PARD3: variants seen among roughly 807,000 people sequenced by gnomAD.
PARD3 encodes the protein par-3 family cell polarity regulator, also known as partitioning defective 3 homolog.
In PARD3, 75 loss-of-function variants were observed where a neutral mutation model predicts 155.4. The ratio of observed to expected loss-of-function variants is 0.48; its 90% CI spans 0.40 to 0.58. PARD3 has a LOEUF of 0.58. Among genes scored for constraint, PARD3 ranks in the 20% least tolerant of loss-of-function variants. The pLI is 0.00. For missense variants in PARD3, 1,642 were observed against 1,721.7 expected, an observed-to-expected ratio of 0.95 and a Z score of 0.82; for synonymous variants, 576 against 610.5, an observed-to-expected ratio of 0.94 and a Z score of 0.83.
At chr10:34,689,498 C>T (rs2094011068) in intron 2 of PARD3, among the ~76,000 whole-genome samples, 1 of 152,086 alleles carries the variant, frequency 6.6e-6, no homozygotes. Flanking sequence ...AAATAAAAAA[C>T]GGCTTTAAAA....
intron 20 of PARD3, among the ~76,000 whole-genome samples, chr10:34,302,959 C>T (rs1957221784): frequency 6.6e-6 from 1 of 152,078 alleles, no homozygotes; most frequent in Non-Finnish European, 1.5e-5. Flanking sequence ...ACACCTCTAA[C>T]ACTGCCAAGG....
chr10:34,142,128 G>A (rs1477525576), intron 22 of PARD3, among the ~76,000 whole-genome samples: 1 of 152,206 alleles, frequency 6.6e-6, no homozygotes, highest in African/African-American at 2.4e-5. Flanking sequence ...GGCAGGGGCT[G>A]AGGTCTGGGC....
At chr10:34,587,883 C>T (rs1177018177) in intron 2 of PARD3, among the ~76,000 whole-genome samples, 3 of 152,184 alleles carry the variant, frequency 2.0e-5, no homozygotes, top group Non-Finnish European at 2.9e-5. Context: ...TCAGGGCTGG[C>T]TCCGTGGGTG....
intron 22 of PARD3, among the ~76,000 whole-genome samples, chr10:34,235,218 T>C (rs997363586): frequency 2.0e-5 from 3 of 152,228 alleles, no homozygotes; most frequent in Non-Finnish European, 4.4e-5. Context: ...TATTATGTTA[T>C]AGAACTATAA....
At chr10:34,264,900 T>C (rs622894) in intron 22 of PARD3, among the ~76,000 whole-genome samples, 104,574 of 151,882 alleles carry the variant, frequency 0.69, 37,457 homozygotes, top group African/African-American at 0.9. Flanking sequence ...TAGATGCATG[T>C]CACCACGCCT....
At chr10:34,529,948 T>C (rs565753490) in intron 2 of PARD3, among the ~76,000 whole-genome samples, 4 of 152,276 alleles carry the variant, frequency 2.6e-5, no homozygotes, top group Non-Finnish European at 4.4e-5. Context: ...TTGACCAGGC[T>C]GGTCTCAAAC....
intron 2 of PARD3, among the ~76,000 whole-genome samples, chr10:34,573,246 C>A: frequency 6.6e-6 from 1 of 152,128 alleles, no homozygotes; most frequent in Non-Finnish European, 1.5e-5. Flanking sequence ...GTCCCAGCTA[C>A]TCAAGAGGCT....
At chr10:34,482,901 C>A (rs763756550) in intron 3 of PARD3, among the ~76,000 whole-genome samples, 1 of 151,852 alleles carries the variant, frequency 6.6e-6, no homozygotes, top group Non-Finnish European at 1.5e-5. Flanking sequence ...GTAATCCCAG[C>A]ACTTTGGGAG....
At chr10:34,189,583 T>G (rs535640491) in intron 22 of PARD3, among the ~76,000 whole-genome samples, 1 of 152,344 alleles carries the variant, frequency 6.6e-6, no homozygotes, top group Admixed American at 6.5e-5. Context: ...ATTAATTTGG[T>G]AAATCCTGAT....
intron 1 of PARD3, among the ~76,000 whole-genome samples, chr10:34,805,635 T>G (rs993001621): frequency 1.3e-5 from 2 of 151,280 alleles, no homozygotes; most frequent in African/African-American, 4.8e-5. Context: ...CTTAGTCACT[T>G]CTGAGCATGA....
intron 4 of PARD3, among the ~76,000 whole-genome samples, chr10:34,462,062 A>G (rs1456216673): frequency 2.0e-5 from 3 of 152,250 alleles, no homozygotes; most frequent in Admixed American, 6.5e-5. Context: ...AAGTTCGAAA[A>G]TGTGCTGCAT....
chr10:34,189,737 C>A (rs1950626308), intron 22 of PARD3, among the ~76,000 whole-genome samples: 1 of 152,172 alleles, frequency 6.6e-6, no homozygotes, highest in African/African-American at 2.4e-5. Context: ...TCACAGAACA[C>A]CACTTTTCCC....
chr10:34,784,105 G>C (rs917978562), intron 1 of PARD3, among the ~76,000 whole-genome samples: 1 of 152,084 alleles, frequency 6.6e-6, no homozygotes, highest in East Asian at 1.9e-4. Context: ...CGGCTACTTG[G>C]GAGGCTGAGG....
chr10:34,679,584 A>C (rs1009975871), intron 2 of PARD3, among the ~76,000 whole-genome samples: 2 of 152,194 alleles, frequency 1.3e-5, no homozygotes, highest in African/African-American at 4.8e-5. Context: ...CACATATTTT[A>C]CTCAGAGAAA....
chr10:34,576,357 G>A (rs1396443161), intron 2 of PARD3, among the ~76,000 whole-genome samples: 1 of 152,066 alleles, frequency 6.6e-6, no homozygotes, highest in Non-Finnish European at 1.5e-5. Context: ...CATCAGCAAT[G>A]TTTGTTTCAC....
intron 18 of PARD3, among the ~76,000 whole-genome samples, chr10:34,333,917 A>C (rs1835876985): frequency 6.6e-6 from 1 of 152,004 alleles, no homozygotes; most frequent in African/African-American, 2.4e-5. Flanking sequence ...AAAATCCCTA[A>C]CACATTGATT....
At chr10:34,323,396 C>G (rs1417956353) in intron 19 of PARD3, among the ~76,000 whole-genome samples, 3 of 151,664 alleles carry the variant, frequency 2.0e-5, no homozygotes, top group Non-Finnish European at 4.4e-5. Flanking sequence ...AGCTTTTAGA[C>G]TAATACATGG....
intron 2 of PARD3, among the ~76,000 whole-genome samples, chr10:34,676,815 A>G (rs1036040069): frequency 6.6e-5 from 10 of 152,314 alleles, no homozygotes; most frequent in African/African-American, 2.4e-4. Flanking sequence ...CTCAGGTTCA[A>G]GCAGTTTTAA....
Position 34,696,439 on chromosome 10 carries a change from C to G in PARD3, c.121-20G>C. The G allele has an allele frequency of 7.1e-7, 1 of 1,400,794 alleles. No homozygotes were observed. Among genetic ancestry groups the G allele is most frequent in the Non-Finnish European group, 1.0e-6 (1 of 987,676 alleles). 86.8% of individuals were successfully genotyped at this position (1,400,794 alleles called of 1,614,324 possible). A position where few individuals can be genotyped will look rare whatever the true frequency, so the allele number is the denominator to read the frequency against. On this transcript the variant is annotated intron_variant, in intron 1 of 24. Coordinates refer to ENST00000374788, the MANE Select transcript of PARD3 (RefSeq NM_001184785.2). ...TGGATCCTATACGAAAGAACAGAAA[C>G]ACTGAATATAGCAAGTTAGCATCAC...
Sources: gnomAD v4.1 joint callset for allele counts (sites outside exome capture counted in the v4.1 genomes callset) on GRCh38, gnomAD v4.1.1 for gene constraint, MANE v1.5 for transcripts, NCBI Gene and HGNC (gene_info 2026-07-23, HGNC 2026-07-21) for gene names.